The following NTNG1 variants were observed in gnomAD, a reference collection of about 807,000 sequenced individuals.
The protein encoded by NTNG1 is netrin-G1.
Under a neutral mutation model 54.0 loss-of-function variants are expected in NTNG1, and 16 were observed. The ratio of observed to expected loss-of-function variants is 0.30; its 90% confidence interval spans 0.20 to 0.45. NTNG1 has a LOEUF of 0.45. NTNG1 is among the 20% of genes least tolerant of loss of function. NTNG1 has a pLI of 1.00. For missense variants in NTNG1, 530 were observed against 678.7 expected (o/e 0.78, Z 2.43); for synonymous variants, 255 against 263.1 (o/e 0.97, Z 0.30).
rs922093142 is a variant in NTNG1, at chr1:107,481,046, G to T, written c.*206G>T. ...AGACTGTTAATTTCTGACTCCAGAG[G>T]AGTTGGCAGCTGTTGATATTATCAC... On this transcript the variant is annotated 3_prime_UTR_variant, in exon 8 of 8. Transcript: ENST00000370068. The T allele has an allele frequency of 1.7e-5, 9 of 525,236 alleles. No individual in the cohort carries two copies. The highest frequency in any genetic ancestry group is 3.2e-5 in the Admixed American group (1 of 30,816). 32.5% of individuals were successfully genotyped at this position (525,236 alleles called of 1,614,324 possible). A position where few individuals can be genotyped will look rare whatever the true frequency, so the allele number is the denominator to read the frequency against.
chr1:107,208,085 T>A (rs897553644), intron 2 of NTNG1, among the ~76,000 whole-genome samples: 1 of 152,150 alleles, frequency 6.6e-6, no homozygotes, highest in African/African-American at 2.4e-5. Flanking sequence ...GTCGAAGGCA[T>A]GTGTGTTCCC....
intron 2 of NTNG1, among the ~76,000 whole-genome samples, chr1:107,162,161 G>A (rs1415455558): frequency 6.6e-6 from 1 of 151,844 alleles, no homozygotes; most frequent in African/African-American, 2.4e-5. Flanking sequence ...AAATATCCTT[G>A]CACCAAACTC....
intron 2 of NTNG1, among the ~76,000 whole-genome samples, chr1:107,255,635 C>T (rs188111449): frequency 3.9e-5 from 6 of 152,154 alleles, no homozygotes; most frequent in Admixed American, 1.3e-4. Flanking sequence ...CAGTCGAATA[C>T]GAAATTCTAG....
At chr1:107,429,426 C>T (rs998643897) in intron 5 of NTNG1, among the ~76,000 whole-genome samples, 3 of 152,034 alleles carry the variant, frequency 2.0e-5, no homozygotes, top group African/African-American at 7.2e-5. Context: ...TTACTCTACT[C>T]ATCAAAATAT....
chr1:107,334,893 A>G (rs1207006050), intron 3 of NTNG1, among the ~76,000 whole-genome samples: 1 of 152,016 alleles, frequency 6.6e-6, no homozygotes, highest in Non-Finnish European at 1.5e-5. Context: ...CCCATTAGGT[A>G]TGCTATGGCC....
chr1:107,307,841 G>A (rs1227735725), intron 2 of NTNG1, among the ~76,000 whole-genome samples: 1 of 152,016 alleles, frequency 6.6e-6, no homozygotes, highest in Non-Finnish European at 1.5e-5. Context: ...TTTCCACTTG[G>A]CATTTGTCCT....
intron 2 of NTNG1, among the ~76,000 whole-genome samples, chr1:107,162,375 G>A (rs4915019): frequency 0.26 from 39,911 of 151,916 alleles, 5,397 homozygotes; most frequent in South Asian, 0.29. Context: ...ACTATATTAA[G>A]AAATCATGTT....
At chr1:107,199,263 C>T (rs1342143432) in intron 2 of NTNG1, among the ~76,000 whole-genome samples, 1 of 96,992 alleles carries the variant, frequency 1.0e-5, no homozygotes, top group Non-Finnish European at 2.0e-5. Context: ...GATCTCTTCA[C>T]CAATTTTATT....
intron 7 of NTNG1, among the ~76,000 whole-genome samples, chr1:107,459,149 A>C (rs954061678): frequency 6.6e-6 from 1 of 152,168 alleles, no homozygotes; most frequent in Non-Finnish European, 1.5e-5. Flanking sequence ...GAAAAAGTTA[A>C]ATTAGTTCAT....
At chr1:107,208,904 C>T (rs1336788727) in intron 2 of NTNG1, among the ~76,000 whole-genome samples, 1 of 152,078 alleles carries the variant, frequency 6.6e-6, no homozygotes, top group Non-Finnish European at 1.5e-5. Context: ...AAAGCCCTGA[C>T]CACATGCCAC....
intron 3 of NTNG1, among the ~76,000 whole-genome samples, chr1:107,355,248 T>G (rs1430361845): frequency 6.6e-6 from 1 of 151,900 alleles, no homozygotes; most frequent in African/African-American, 2.4e-5. Context: ...TCTTTACAGG[T>G]CTAGTCTTTT....
At chr1:107,320,392 T>G (rs913111863) in intron 2 of NTNG1, among the ~76,000 whole-genome samples, 4 of 152,152 alleles carry the variant, frequency 2.6e-5, no homozygotes, top group Admixed American at 2.6e-4. Context: ...AAGTGTACTT[T>G]GTTTTTGTAA....
chr1:107,227,401 G>A (rs144112177), intron 2 of NTNG1, among the ~76,000 whole-genome samples: 1 of 152,194 alleles, frequency 6.6e-6, no homozygotes, highest in East Asian at 1.9e-4. Flanking sequence ...GATGCTGTGA[G>A]TAGTAAGCAC....
chr1:107,141,113 G>A lies in NTNG1; in HGVS notation c.-553G>A, dbSNP rs1288547979. The A allele has an allele frequency of 6.6e-6, 1 of 152,450 alleles. No homozygotes were observed. Among genetic ancestry groups the A allele is most frequent in the Non-Finnish European group, 1.5e-5 (1 of 68,024 alleles). The allele number at this position is 152,450 out of a possible 1,614,324, so 9.4% of individuals were successfully genotyped here. A position where few individuals can be genotyped will look rare whatever the true frequency, so the allele number is the denominator to read the frequency against. ...GGCTCCGAGAGGGGGCGACTTGCAG[G>A]AGGCTCCCCCCGGGGGCGGAGGCGA... is the stretch of plus-strand genomic sequence containing the variant. On this transcript the variant is annotated 5_prime_UTR_variant, in exon 1 of 8. Transcript: ENST00000370068.
rs576637439 is a variant in NTNG1, at chr1:107,472,646, C to A, written c.1391-7965C>A. 2.9e-4 allele frequency among the ~76,000 whole-genome samples: 44 copies of A among 152,248 alleles called. No individual in the cohort carries two copies. In the South Asian group the frequency reaches 8.9e-3, roughly 31 times the overall value. On this transcript the variant is annotated intron_variant, in intron 7 of 7. Coordinates refer to ENST00000370068, the MANE Select transcript of NTNG1 (RefSeq NM_001113226.3). ...GTTTTCCAGTTTTATGACGCTCAGCCAATGTGTTTTCCCTTTGCACCATAC... is the reference window on the plus strand; with the variant it reads ...GTTTTCCAGTTTTATGACGCTCAGCAAATGTGTTTTCCCTTTGCACCATAC...
In NTNG1 at chr1:107,275,564, C is replaced by T. The variant is rs75096305; in HGVS notation, c.247-48718C>T. On this transcript the variant is annotated intron_variant, in intron 2 of 7. Coordinates refer to ENST00000370068, the MANE Select transcript of NTNG1 (RefSeq NM_001113226.3). ...ACCAGGAGAGCTGATGGTGTAGTTC[C>T]AGTCCAAAGACCAGCAGGCTCAAGA... Among the ~76,000 whole-genome samples, 512 of 152,116 alleles carry T rather than the reference C, an allele frequency of 3.4e-3. 1 individual carries two copies. The highest frequency in any genetic ancestry group is 0.012 in the African/African-American group (489 of 41,510).
At chr1:107,422,575 T>C (rs1446318968) in intron 5 of NTNG1, among the ~76,000 whole-genome samples, 1 of 151,920 alleles carries the variant, frequency 6.6e-6, no homozygotes, top group East Asian at 1.9e-4. Context: ...GTGGAAGAGC[T>C]TCAACAGCTA....
chr1:107,208,168 G>A (rs904620705), intron 2 of NTNG1, among the ~76,000 whole-genome samples: 15 of 152,096 alleles, frequency 9.9e-5, no homozygotes, highest in Non-Finnish European at 2.1e-4. Flanking sequence ...GGTGGCTCAT[G>A]CCTGTAATCC....
At position 107,339,765 on chromosome 1, in the gene NTNG1, C is replaced by T. The variant is rs555550043; in HGVS notation, c.887+14843C>T. On this transcript the variant is annotated intron_variant, in intron 3 of 7. Coordinates refer to ENST00000370068, the MANE Select transcript of NTNG1 (RefSeq NM_001113226.3). The stretch of plus-strand genomic sequence containing the variant: ...CATGGAAAATAATATCTACCTACTT[C>T]TCTTTCACGAATGTAGAATATAATA... Among the ~76,000 whole-genome samples the T allele has an allele frequency of 2.0e-5, 3 of 152,132 alleles. No homozygotes were observed. In the South Asian group the frequency reaches 6.2e-4, roughly 32 times the overall value.
Sources: allele counts gnomAD v4.1 joint callset (sites outside exome capture counted in the v4.1 genomes callset), GRCh38; gene constraint gnomAD v4.1.1; transcripts MANE v1.5; gene names NCBI Gene and HGNC (gene_info 2026-07-23, HGNC 2026-07-21).